ARHGAP24: variants seen among roughly 807,000 people sequenced by gnomAD.
The protein encoded by ARHGAP24 is rho GTPase-activating protein 24.
In ARHGAP24, 50 loss-of-function variants were observed where a neutral mutation model predicts 76.4. That is an observed-to-expected ratio of 0.65 (90% CI 0.52 to 0.83). ARHGAP24 has a LOEUF of 0.83. ARHGAP24 is among the 40% of genes least tolerant of loss of function. The pLI is 0.00. For synonymous variants in ARHGAP24, 345 were observed against 323.3 expected (o/e 1.07, Z -0.72); for missense variants, 930 against 914.2 (o/e 1.02, Z -0.22).
At chr4:85,863,259 A>G (rs1290296436) in intron 3 of ARHGAP24, among the ~76,000 whole-genome samples, 1 of 151,972 alleles carries the variant, frequency 6.6e-6, no homozygotes, top group Non-Finnish European at 1.5e-5. Context: ...GTTTACTTTC[A>G]GGTCCCAGTT....
At chr4:85,721,852 T>C in intron 2 of ARHGAP24, 33 bp from the exon 3 acceptor site, 1 of 1,547,396 alleles carries the variant, frequency 6.5e-7, no homozygotes, top group East Asian at 2.3e-5. Context: ...TGCTCTCTGA[T>C]GATGTTGATG....
intron 9 of ARHGAP24, 22 bp from the exon 10 acceptor site, chr4:86,000,457 C>A (rs774875373): frequency 1.2e-5 from 8 of 666,988 alleles, no homozygotes; most frequent in Non-Finnish European, 1.9e-5. Context: ...CCACCCCCCA[C>A]CCCCCCCAAC....
At chr4:85,535,042 T>C (rs996914431) in intron 1 of ARHGAP24, among the ~76,000 whole-genome samples, 1 of 152,100 alleles carries the variant, frequency 6.6e-6, no homozygotes, top group African/African-American at 2.4e-5. Flanking sequence ...AGTTGAAGTA[T>C]ATGAAACATA....
intron 3 of ARHGAP24, among the ~76,000 whole-genome samples, chr4:85,907,163 A>C (rs1473011): frequency 0.3 from 45,431 of 151,848 alleles, 6,939 homozygotes; most frequent in South Asian, 0.43. Context: ...ATGCTGTTTT[A>C]CCCCCTTGTA....
chr4:85,913,356 A>G (rs1735191565), intron 3 of ARHGAP24, among the ~76,000 whole-genome samples: 1 of 151,264 alleles, frequency 6.6e-6, no homozygotes. Flanking sequence ...GCCTAATCTA[A>G]TGACCTCCAT....
intron 2 of ARHGAP24, among the ~76,000 whole-genome samples, chr4:85,703,265 C>T (rs980056796): frequency 4.6e-5 from 7 of 152,020 alleles, no homozygotes; most frequent in Non-Finnish European, 8.8e-5. Flanking sequence ...ATTTTTAGTA[C>T]GTGTCATGTG....
intron 3 of ARHGAP24, among the ~76,000 whole-genome samples, chr4:85,740,426 T>C (rs908989917): frequency 6.6e-6 from 1 of 152,114 alleles, no homozygotes; most frequent in Non-Finnish European, 1.5e-5. Context: ...TTTCACCATG[T>C]TGGCCAGGCT....
At chr4:85,749,513 C>A (rs1449177277) in intron 3 of ARHGAP24, among the ~76,000 whole-genome samples, 2 of 152,160 alleles carry the variant, frequency 1.3e-5, no homozygotes, top group Non-Finnish European at 2.9e-5. Context: ...CTAGGCATGC[C>A]TCTTTATTGT....
At chr4:85,620,239 T>A (rs1477524653) in intron 2 of ARHGAP24, among the ~76,000 whole-genome samples, 1 of 152,040 alleles carries the variant, frequency 6.6e-6, no homozygotes, top group Non-Finnish European at 1.5e-5. Flanking sequence ...TATTAGTTTT[T>A]CTTTAAACAT....
chr4:85,907,086 A>T (rs1001616475), intron 3 of ARHGAP24, among the ~76,000 whole-genome samples: 5 of 152,228 alleles, frequency 3.3e-5, no homozygotes, highest in Non-Finnish European at 7.3e-5. Context: ...TTGCTTGCTC[A>T]GACATCTAGC....
At chr4:85,834,773 A>G (rs1296635397) in intron 3 of ARHGAP24, among the ~76,000 whole-genome samples, 2 of 152,192 alleles carry the variant, frequency 1.3e-5, no homozygotes, top group African/African-American at 2.4e-5. Flanking sequence ...GAAGGGACAA[A>G]TATTTATAGT....
chr4:85,591,964 A>C (rs966310845), intron 2 of ARHGAP24, among the ~76,000 whole-genome samples: 3 of 152,166 alleles, frequency 2.0e-5, no homozygotes, highest in Admixed American at 6.6e-5. Context: ...TATTGTTAGC[A>C]TACTACCAAT....
intron 3 of ARHGAP24, among the ~76,000 whole-genome samples, chr4:85,775,687 G>A (rs1193449075): frequency 1.3e-5 from 2 of 151,854 alleles, no homozygotes; most frequent in Non-Finnish European, 2.9e-5. Flanking sequence ...CATATCAGTA[G>A]GAAAGATAAA....
At chr4:85,808,619 A>G (rs1303499694) in intron 3 of ARHGAP24, among the ~76,000 whole-genome samples, 1 of 152,012 alleles carries the variant, frequency 6.6e-6, no homozygotes, top group Non-Finnish European at 1.5e-5. Context: ...TTAATATTGT[A>G]TTCCAAAAAA....
At chr4:85,525,627 T>C (rs1724960366) in intron 1 of ARHGAP24, among the ~76,000 whole-genome samples, 2 of 152,174 alleles carry the variant, frequency 1.3e-5, no homozygotes, top group African/African-American at 4.8e-5. Flanking sequence ...TGTCATCTAC[T>C]GTACTAGATC....
intron 2 of ARHGAP24, among the ~76,000 whole-genome samples, chr4:85,674,738 A>G (rs767798951): frequency 1.3e-5 from 2 of 152,234 alleles, no homozygotes; most frequent in African/African-American, 2.4e-5. Context: ...GTTGCTATGC[A>G]GGATATACCA....
rs1181564772 is a variant in ARHGAP24 at position 85,994,926 on chromosome 4, A to T, written c.1272A>T (p.Pro424=). The T allele has an allele frequency of 6.2e-7, 1 of 1,614,000 alleles. No individual in the cohort carries two copies. The highest frequency in any genetic ancestry group is 2.2e-5 in the East Asian group (1 of 44,878). Residue 424 remains proline, a synonymous_variant, in exon 9 of 10, where the codon CCA becomes CCT. Transcript: ENST00000395184. ...RSPPLMVKKN[P]AFNKGSGIVT... ...CCCCTCTCATGGTCAAAAAGAACCC[A>T]GCCTTTAATAAGGGTAGTGGGATAG...
intron 8 of ARHGAP24, among the ~76,000 whole-genome samples, chr4:85,985,913 T>A (rs1475925540): frequency 6.6e-6 from 1 of 152,246 alleles, no homozygotes; most frequent in Non-Finnish European, 1.5e-5. Context: ...AATGGTTTTT[T>A]ATTTCATTTC....
chr4:85,610,451 C>CAAAAAAAAAAA (rs57348830), intron 2 of ARHGAP24, among the ~76,000 whole-genome samples: 8 of 51,242 alleles, frequency 1.6e-4, no homozygotes, highest in African/African-American at 5.7e-4. Context: ...ACTCCATCTA[C>CAAAAAAAAAAA]AAAAAAAAAA....
Sources: allele counts gnomAD v4.1 joint callset (sites outside exome capture counted in the v4.1 genomes callset), GRCh38; gene constraint gnomAD v4.1.1; transcripts MANE v1.5; gene names NCBI Gene and HGNC (gene_info 2026-07-23, HGNC 2026-07-21).